SBF2: variants seen among roughly 807,000 people sequenced by gnomAD.
The protein encoded by SBF2 is SET binding factor 2.
A neutral mutation model predicts 225.2 loss-of-function variants in SBF2; 112 were observed. The ratio of observed to expected loss-of-function variants is 0.50; its 90% confidence interval spans 0.43 to 0.58. SBF2 has a LOEUF of 0.58. SBF2 is among the 20% of genes least tolerant of loss of function. The pLI, the probability that SBF2 is intolerant of heterozygous loss-of-function variation, is 0.00. For synonymous variants in SBF2, 763 were observed against 773.3 expected (o/e 0.99, Z 0.22); for missense variants, 1,996 against 2,206.2 (o/e 0.90, Z 1.91).
chr11:10,141,258 C>T (rs1027832160), intron 2 of SBF2, among the ~76,000 whole-genome samples: 1 of 152,116 alleles, frequency 6.6e-6, no homozygotes, highest in Non-Finnish European at 1.5e-5. Context: ...TTAGAAGTCA[C>T]TATGTACACT....
intron 28 of SBF2, among the ~76,000 whole-genome samples, chr11:9,821,057 A>T (rs1425820806): frequency 1.3e-5 from 2 of 152,124 alleles, no homozygotes; most frequent in Admixed American, 1.3e-4. Context: ...CCTCAAAATC[A>T]TTGTTGGAGA....
At chr11:10,243,865 A>C (rs1959485720) in intron 1 of SBF2, among the ~76,000 whole-genome samples, 1 of 152,222 alleles carries the variant, frequency 6.6e-6, no homozygotes, top group African/African-American at 2.4e-5. Flanking sequence ...AATTCTACCA[A>C]ACATTTAAAG....
chr11:9,795,302 C>T (rs1853053864), intron 33 of SBF2, among the ~76,000 whole-genome samples: 1 of 152,190 alleles, frequency 6.6e-6, no homozygotes, highest in Admixed American at 6.5e-5. Flanking sequence ...GTGAAGTTTA[C>T]AACTTTTTCC....
At chr11:10,235,559 G>C (rs1199138211) in intron 1 of SBF2, among the ~76,000 whole-genome samples, 5 of 150,148 alleles carry the variant, frequency 3.3e-5, no homozygotes, top group Non-Finnish European at 7.4e-5. Context: ...AAACTCAATT[G>C]AGAACCTTGA....
At chr11:10,001,610 C>T (rs56272536) in intron 7 of SBF2, among the ~76,000 whole-genome samples, 7,735 of 151,906 alleles carry the variant, frequency 0.051, 282 homozygotes, top group Middle Eastern at 0.16. Context: ...CTGCAAGCTC[C>T]GCCTCCAGGG....
chr11:9,878,083 G>A (rs191905429), intron 17 of SBF2, among the ~76,000 whole-genome samples: 1 of 152,026 alleles, frequency 6.6e-6, no homozygotes, highest in Non-Finnish European at 1.5e-5. Flanking sequence ...TTTAATGACC[G>A]CCATTCTAAC....
intron 1 of SBF2, among the ~76,000 whole-genome samples, chr11:10,291,359 C>G (rs182513759): frequency 5.1e-4 from 77 of 152,258 alleles, no homozygotes; most frequent in Admixed American, 1.8e-3. Context: ...GAAGCATGTC[C>G]TCACCAGACA....
chr11:9,999,672 G>A (rs1947867439), intron 8 of SBF2, among the ~76,000 whole-genome samples: 1 of 151,988 alleles, frequency 6.6e-6, no homozygotes, highest in Non-Finnish European at 1.5e-5. Context: ...CAAACCAGGT[G>A]GATATGCTTC....
At chr11:9,821,327 A>C (rs897719459) in intron 28 of SBF2, among the ~76,000 whole-genome samples, 3 of 152,166 alleles carry the variant, frequency 2.0e-5, no homozygotes, top group African/African-American at 7.2e-5. Flanking sequence ...ATTTGCACTG[A>C]AAGAGTGAAA....
chr11:9,803,955 A>G (rs576714513), intron 32 of SBF2, among the ~76,000 whole-genome samples: 2 of 152,248 alleles, frequency 1.3e-5, no homozygotes, highest in East Asian at 3.9e-4. Flanking sequence ...TGCTGTGTAA[A>G]CCCAGAAAGG....
chr11:10,139,852 T>C (rs1033588525), intron 2 of SBF2, among the ~76,000 whole-genome samples: 1 of 152,178 alleles, frequency 6.6e-6, no homozygotes, highest in Non-Finnish European at 1.5e-5. Context: ...TACATTCCTG[T>C]GTGGCTACTG....
chr11:10,049,457 A>G (rs1698988590), intron 2 of SBF2, among the ~76,000 whole-genome samples: 1 of 152,114 alleles, frequency 6.6e-6, no homozygotes, highest in Non-Finnish European at 1.5e-5. Context: ...AAATATAAAA[A>G]TTAGCTGGGT....
At chr11:10,006,863 A>C (rs1948217992) in intron 6 of SBF2, among the ~76,000 whole-genome samples, 1 of 152,228 alleles carries the variant, frequency 6.6e-6, no homozygotes. Context: ...TTGTCTAGTT[A>C]GAGAACAAAG....
Position 9,974,960 on chromosome 11 carries a change from C to CAAAAAAAAAAAAAAAAAAAAAAA in SBF2, c.1396-6438_1396-6416dup, listed in dbSNP as rs1166081188. Among the ~76,000 whole-genome samples the CAAAAAAAAAAAAAAAAAAAAAAA allele has an allele frequency of 6.9e-4, 16 of 23,268 alleles. 4 individuals are homozygous for CAAAAAAAAAAAAAAAAAAAAAAA. Among genetic ancestry groups the CAAAAAAAAAAAAAAAAAAAAAAA allele is most frequent in the Non-Finnish European group, 1.1e-3 (12 of 11,166 alleles). The allele number at this position is 23,268 out of a possible 152,430, so 15.3% of individuals were successfully genotyped here. On this transcript the variant is annotated intron_variant, in intron 13 of 39. Coordinates refer to ENST00000256190, the MANE Select transcript of SBF2 (RefSeq NM_030962.4). ...GGGCAACAACAGCGAAACTTTGACT[C>CAAAAAAAAAAAAAAAAAAAAAAA]AAAAAAAAAAAAAAAAAAAAAAAAA...
chr11:10,174,387 G>A (rs538865722), intron 2 of SBF2, among the ~76,000 whole-genome samples: 22 of 152,308 alleles, frequency 1.4e-4, no homozygotes, highest in Admixed American at 2.6e-4. Context: ...GAGCTGACGC[G>A]ATCAACTGGA....
chr11:10,063,366 ATT>A (rs60997102), intron 2 of SBF2, among the ~76,000 whole-genome samples: 4 of 145,492 alleles, frequency 2.7e-5, no homozygotes, highest in African/African-American at 1.0e-4. Flanking sequence ...TTTTTATTTT[ATT>A]TTTTTTTGAG....
At chr11:10,059,628 A>G (rs1038605936) in intron 2 of SBF2, among the ~76,000 whole-genome samples, 7 of 152,222 alleles carry the variant, frequency 4.6e-5, no homozygotes, top group African/African-American at 1.4e-4. Flanking sequence ...ACATAATTGG[A>G]CATAAAACAA....
chr11:10,267,449 G>A (rs1962103982), intron 1 of SBF2, among the ~76,000 whole-genome samples: 2 of 152,008 alleles, frequency 1.3e-5, no homozygotes, highest in African/African-American at 4.8e-5. Flanking sequence ...AAAAAGATGT[G>A]AGAAAATTTT....
intron 13 of SBF2, among the ~76,000 whole-genome samples, chr11:9,974,481 T>C (rs758052585): frequency 5.9e-5 from 9 of 151,940 alleles, no homozygotes; most frequent in African/African-American, 1.2e-4. Context: ...TGACTCCAGA[T>C]AGAGATTTCC....
Sources: allele counts gnomAD v4.1 joint callset (sites outside exome capture counted in the v4.1 genomes callset), GRCh38; gene constraint gnomAD v4.1.1; transcripts MANE v1.5; gene names NCBI Gene and HGNC (gene_info 2026-07-23, HGNC 2026-07-21).